PPP2R5E: variants seen among roughly 807,000 people sequenced by gnomAD.
PPP2R5E encodes protein phosphatase 2 regulatory subunit B'epsilon, also known as serine/threonine-protein phosphatase 2A 56 kDa regulatory subunit epsilon isoform.
In PPP2R5E, 4 loss-of-function variants were observed where a neutral mutation model predicts 65.3. The observed-to-expected ratio is 0.06, with a 90% CI of 0.03 to 0.14. The LOEUF (loss-of-function observed/expected upper bound fraction) is 0.14. Ranked by LOEUF, PPP2R5E falls within the 10% of genes least tolerant of loss-of-function variation. PPP2R5E has a pLI of 1.00. For synonymous variants in PPP2R5E, 183 were observed against 187.4 expected (o/e 0.98, Z 0.19); for missense variants, 274 against 556.1 (o/e 0.49, Z 5.10).
chr14:63,476,928 G>A (rs1422155262), intron 2 of PPP2R5E, among the ~76,000 whole-genome samples: 2 of 152,154 alleles, frequency 1.3e-5, no homozygotes, highest in East Asian at 3.8e-4. Context: ...AGACTGTAGA[G>A]TAGTAGAGTC....
rs1379165115 is a variant in PPP2R5E, at chr14:63,420,916, A to G, written c.456+1077T>C. ...AAATACAAAAAAATTAGCCGGGCGT[A>G]GTGGCGGGCGCCTGTAGTCCCAGCT... On this transcript the variant is annotated intron_variant, in intron 4 of 13. Transcript: ENST00000337537. 3.1e-5 allele frequency among the ~76,000 whole-genome samples: 4 copies of G among 129,440 alleles called. 1 individual carries two copies. The highest frequency in any genetic ancestry group is 2.4e-4 in the South Asian group (1 of 4,152). The allele number at this position is 129,440 out of a possible 152,430, so 84.9% of individuals were successfully genotyped here.
chr14:63,380,672 A>C (rs557129692), intron 13 of PPP2R5E, among the ~76,000 whole-genome samples: 79 of 149,304 alleles, frequency 5.3e-4, no homozygotes, highest in African/African-American at 1.0e-3. Flanking sequence ...AAAAAACAAA[A>C]AAAAAAAAGT....
chr14:63,422,729 TAAAAAAAAAAAAAAAA>T lies in PPP2R5E; in HGVS notation c.355-651_355-636del, dbSNP rs567590182. ...ATGAAAGAGCGAGACTCCGTCTATT[TAAAAAAAAAAAAAAAA>T]AAAAAAAAAAAAAACTGGTAATGGG... On this transcript the variant is annotated intron_variant, in intron 3 of 13. Coordinates refer to ENST00000337537, the MANE Select transcript of PPP2R5E (RefSeq NM_006246.5). Among the ~76,000 whole-genome samples the T allele has an allele frequency of 9.1e-5, 8 of 88,242 alleles. No homozygotes were observed. In the East Asian group the frequency reaches 2.8e-3, roughly 31 times the overall value. The allele number at this position is 88,242 out of a possible 152,430, so 57.9% of individuals were successfully genotyped here.
At chr14:63,508,905 T>A (rs1415927436) in intron 2 of PPP2R5E, among the ~76,000 whole-genome samples, 2 of 152,234 alleles carry the variant, frequency 1.3e-5, no homozygotes, top group African/African-American at 4.8e-5. Context: ...GGCAGAGAAA[T>A]CACATGTCTC....
chr14:63,532,470 G>C (rs917651183), intron 2 of PPP2R5E, among the ~76,000 whole-genome samples: 2 of 152,190 alleles, frequency 1.3e-5, no homozygotes, highest in East Asian at 3.9e-4. Context: ...TGAAATTTTT[G>C]GTTGAAAAAC....
At chr14:63,482,264 A>G (rs541833282) in intron 2 of PPP2R5E, among the ~76,000 whole-genome samples, 4 of 152,300 alleles carry the variant, frequency 2.6e-5, no homozygotes, top group African/African-American at 9.6e-5. Context: ...CAGGAGTTCG[A>G]GCCTGGCCAA....
Position 63,392,795 on chromosome 14 carries a change from C to T in PPP2R5E, c.850-770G>A, listed in dbSNP as rs527981082. ...GAACAGTGCTTAGAAAAATGTGTCA[C>T]GTTTTTATGCAAACTCAAAACCTTC... On this transcript the variant is annotated intron_variant, in intron 8 of 13. Transcript: ENST00000337537. Among the ~76,000 whole-genome samples, 16 of 152,284 alleles carry T rather than the reference C, an allele frequency of 1.1e-4. No individual in the cohort carries two copies. The South Asian group carries it at 2.5e-3, about 24-fold the overall frequency.
intron 3 of PPP2R5E, among the ~76,000 whole-genome samples, chr14:63,425,065 GTAACCAGCAGAGTTA>G (rs1465043575): frequency 3.3e-5 from 5 of 152,170 alleles, no homozygotes; most frequent in Non-Finnish European, 7.4e-5. Flanking sequence ...GTTACAATTA[GTAACCAGCAGAGTTA>G]TAACTGGACC....
In PPP2R5E at chr14:63,481,574, C is replaced by G. The variant is rs546118704; in HGVS notation, c.158-27689G>C. ...TCAATATTCACCCATGTATGAAGAGCTCATTTATTTAATTTAAAAAAAGCC... is the reference window on the plus strand; with the variant it reads ...TCAATATTCACCCATGTATGAAGAGGTCATTTATTTAATTTAAAAAAAGCC... On this transcript the variant is annotated intron_variant, in intron 2 of 13. Transcript: ENST00000337537. 1.4e-4 allele frequency among the ~76,000 whole-genome samples: 21 copies of G among 151,364 alleles called. No homozygotes were observed. In the South Asian group the frequency reaches 4.2e-3, roughly 30 times the overall value.
At chr14:63,479,764 T>A (rs185682893) in intron 2 of PPP2R5E, among the ~76,000 whole-genome samples, 2 of 152,248 alleles carry the variant, frequency 1.3e-5, no homozygotes, top group Non-Finnish European at 2.9e-5. Flanking sequence ...ATGAAACTGA[T>A]GGAGAGGGAA....
intron 2 of PPP2R5E, among the ~76,000 whole-genome samples, chr14:63,497,420 A>AT (rs1566744492): frequency 6.6e-6 from 1 of 152,104 alleles, no homozygotes; most frequent in African/African-American, 2.4e-5. Context: ...ATCTCCAAAG[A>AT]TAACTAAAAA....
intron 2 of PPP2R5E, among the ~76,000 whole-genome samples, chr14:63,523,047 C>T (rs1594969592): frequency 1.3e-5 from 2 of 150,812 alleles, no homozygotes; most frequent in South Asian, 2.1e-4. Flanking sequence ...AGTAAGGAGC[C>T]CCTCTGCCCG....
chr14:63,420,760 A>T (rs1362849626), intron 4 of PPP2R5E, among the ~76,000 whole-genome samples: 1 of 151,544 alleles, frequency 6.6e-6, no homozygotes, highest in Non-Finnish European at 1.5e-5. Context: ...CTCTTCAAAA[A>T]GTCAACCTGA....
chr14:63,529,286 TGA>T (rs1893309677), intron 2 of PPP2R5E, among the ~76,000 whole-genome samples: 1 of 151,546 alleles, frequency 6.6e-6, no homozygotes, highest in East Asian at 1.9e-4. Context: ...CTTTTCTTTT[TGA>T]GATAGATCCG....
At chr14:63,514,064 C>A (rs17101273) in intron 2 of PPP2R5E, among the ~76,000 whole-genome samples, 1 of 152,176 alleles carries the variant, frequency 6.6e-6, no homozygotes, top group African/African-American at 2.4e-5. Context: ...TCTGTCCAGT[C>A]TAAGCCCCAG....
Position 63,533,893 on chromosome 14 carries a change from G to A in PPP2R5E, c.157+5636C>T, listed in dbSNP as rs189390478. On this transcript the variant is annotated intron_variant, in intron 2 of 13. Coordinates refer to ENST00000337537, the MANE Select transcript of PPP2R5E (RefSeq NM_006246.5). ...ACCTGGGAGGCAGAGGTTGCAGTGA[G>A]CCGAGATTGCGCCACTGCACTCCAG... Among the ~76,000 whole-genome samples the A allele has an allele frequency of 2.6e-4, 40 of 152,304 alleles. No homozygotes were observed. In the East Asian group the frequency reaches 7.1e-3, roughly 27 times the overall value.
At chr14:63,536,492 A>G (rs190613118) in intron 2 of PPP2R5E, among the ~76,000 whole-genome samples, 1 of 152,332 alleles carries the variant, frequency 6.6e-6, no homozygotes, top group East Asian at 1.9e-4. Flanking sequence ...TGAAAAATTC[A>G]ACATATGATC....
chr14:63,528,815 G>A (rs975438597), intron 2 of PPP2R5E, among the ~76,000 whole-genome samples: 2 of 152,006 alleles, frequency 1.3e-5, no homozygotes, highest in South Asian at 2.1e-4. Flanking sequence ...AAAAATGTTC[G>A]TTCATTTACT....
chr14:63,387,622 T>C (rs1438911643), intron 11 of PPP2R5E, among the ~76,000 whole-genome samples: 1 of 152,246 alleles, frequency 6.6e-6, no homozygotes, highest in Non-Finnish European at 1.5e-5. Context: ...AATAAGAGCC[T>C]CTTCCCTTTG....
Sources: gnomAD v4.1 joint callset for allele counts (sites outside exome capture counted in the v4.1 genomes callset) on GRCh38, gnomAD v4.1.1 for gene constraint, MANE v1.5 for transcripts, NCBI Gene and HGNC (gene_info 2026-07-23, HGNC 2026-07-21) for gene names.